Variants in CACNA2D3 observed in about 807,000 individuals in gnomAD.
CACNA2D3 encodes calcium voltage-gated channel auxiliary subunit alpha2delta 3, also known as voltage-dependent calcium channel subunit alpha-2/delta-3.
CACNA2D3 carries 60 observed loss-of-function variants against 160.6 expected under a neutral mutation model. That is an observed-to-expected ratio of 0.37 (90% CI 0.30 to 0.46). The LOEUF is 0.46. Among genes scored for constraint, CACNA2D3 ranks in the 20% least tolerant of loss-of-function variants. CACNA2D3 has a pLI of 1.00. For missense variants in CACNA2D3, 1,205 were observed against 1,365.0 expected (o/e 0.88, Z 1.85); for synonymous variants, 558 against 492.9 (o/e 1.13, Z -1.75).
chr3:54,183,892 G>GAAAAAAAAAAA (rs58956795), intron 2 of CACNA2D3, among the ~76,000 whole-genome samples: 7 of 80,796 alleles, frequency 8.7e-5, no homozygotes, highest in Non-Finnish European at 1.3e-4. Context: ...TCTCAAAAAA[G>GAAAAAAAAAAA]AAAAAAAAAA....
intron 11 of CACNA2D3, among the ~76,000 whole-genome samples, chr3:54,734,939 T>C (rs1701467284): frequency 2.0e-5 from 3 of 152,234 alleles, no homozygotes; most frequent in African/African-American, 7.2e-5. Context: ...CATTATCTGC[T>C]GAAGCAGGAG....
chr3:54,307,281 T>C (rs1282304138), intron 2 of CACNA2D3, among the ~76,000 whole-genome samples: 1 of 152,186 alleles, frequency 6.6e-6, no homozygotes, highest in Non-Finnish European at 1.5e-5. Context: ...GTAAAGATGA[T>C]GTCTTCGCAT....
intron 27 of CACNA2D3, among the ~76,000 whole-genome samples, chr3:54,955,694 C>T (rs1701870933): frequency 6.6e-6 from 1 of 152,130 alleles, no homozygotes; most frequent in South Asian, 2.1e-4. Context: ...TGAGATCAGA[C>T]AGCCTGGCTC....
intron 4 of CACNA2D3, among the ~76,000 whole-genome samples, chr3:54,440,077 C>T (rs555461092): frequency 1.3e-5 from 2 of 152,308 alleles, no homozygotes; most frequent in East Asian, 3.9e-4. Context: ...CTCACCCTTT[C>T]CTTACCCACA....
intron 4 of CACNA2D3, among the ~76,000 whole-genome samples, chr3:54,471,429 A>G (rs1379659454): frequency 1.3e-5 from 2 of 152,220 alleles, no homozygotes; most frequent in East Asian, 3.9e-4. Context: ...TATAGCACTA[A>G]ATGCCCACAG....
At chr3:54,831,193 T>G (rs753018879) in intron 14 of CACNA2D3, among the ~76,000 whole-genome samples, 32 of 152,156 alleles carry the variant, frequency 2.1e-4, no homozygotes, top group Non-Finnish European at 1.6e-4. Context: ...AACCTTCCCT[T>G]TAAGCCCAAG....
chr3:54,215,159 C>G (rs1047630825), intron 2 of CACNA2D3, among the ~76,000 whole-genome samples: 3 of 152,028 alleles, frequency 2.0e-5, no homozygotes, highest in African/African-American at 7.2e-5. Flanking sequence ...AAGTTCTGTC[C>G]CCATTTTATC....
At chr3:54,890,495 C>CAAAAAAAAAAA (rs34740812) in intron 24 of CACNA2D3, among the ~76,000 whole-genome samples, 10 of 60,718 alleles carry the variant, frequency 1.6e-4, no homozygotes, top group African/African-American at 1.9e-4. Context: ...GACTCCGTCT[C>CAAAAAAAAAAA]AAAAAAAAAA....
intron 37 of CACNA2D3, 83 bp downstream of exon 37, chr3:55,073,942 A>G: frequency 8.1e-7 from 1 of 1,236,832 alleles, no homozygotes; most frequent in Non-Finnish European, 1.2e-6. Context: ...CTACAGCTGA[A>G]AAGTTCACTC....
At chr3:54,868,006 A>C (rs1016379639) in intron 17 of CACNA2D3, among the ~76,000 whole-genome samples, 2 of 152,168 alleles carry the variant, frequency 1.3e-5, no homozygotes, top group African/African-American at 4.8e-5. Context: ...AACCTGGAAA[A>C]CATGGGGAAT....
At chr3:54,475,190 C>T (rs569246201) in intron 4 of CACNA2D3, among the ~76,000 whole-genome samples, 14 of 152,264 alleles carry the variant, frequency 9.2e-5, no homozygotes, top group Admixed American at 2.6e-4. Context: ...GGTCTCACCA[C>T]CAAGCTTTGC....
intron 25 of CACNA2D3, chr3:54,894,825 A>G (rs891357954): frequency 5.3e-6 from 2 of 374,670 alleles, no homozygotes; most frequent in African/African-American, 4.2e-5. Flanking sequence ...ATTAGGAAAC[A>G]TTACCACTGA....
intron 2 of CACNA2D3, among the ~76,000 whole-genome samples, chr3:54,246,443 A>G (rs949151090): frequency 6.6e-6 from 1 of 152,218 alleles, no homozygotes; most frequent in Non-Finnish European, 1.5e-5. Context: ...CTGTAATCCC[A>G]GTACTTTGGG....
intron 36 of CACNA2D3, 87 bp downstream of exon 36, chr3:55,073,644 A>AGAAG (rs142830001): frequency 0.066 from 85,188 of 1,286,718 alleles, 3,448 homozygotes; most frequent in Non-Finnish European, 0.068. Flanking sequence ...GAAATATTAG[A>AGAAG]GAAGGAAAAT....
chr3:54,690,575 T>C (rs140112126), intron 11 of CACNA2D3, among the ~76,000 whole-genome samples: 1 of 152,336 alleles, frequency 6.6e-6, no homozygotes, highest in East Asian at 1.9e-4. Flanking sequence ...GAGTATGTTA[T>C]CTGGCTAGTG....
chr3:54,491,693 G>A (rs146082239), intron 4 of CACNA2D3, among the ~76,000 whole-genome samples: 1 of 152,318 alleles, frequency 6.6e-6, no homozygotes, highest in East Asian at 1.9e-4. Flanking sequence ...TTGGAACACA[G>A]CCACACCCAT....
chr3:54,412,607 G>GTTGTTTTTTTTTTTTTTT (rs1342144952), intron 4 of CACNA2D3, among the ~76,000 whole-genome samples: 2 of 40,430 alleles, frequency 4.9e-5, no homozygotes, highest in African/African-American at 1.5e-4. Flanking sequence ...TTCTGGTCTT[G>GTTGTTTTTTTTTTTTTTT]TTCTTTTTTT....
intron 4 of CACNA2D3, among the ~76,000 whole-genome samples, chr3:54,495,947 C>A (rs1224296212): frequency 1.3e-5 from 2 of 152,174 alleles, no homozygotes; most frequent in Non-Finnish European, 2.9e-5. Flanking sequence ...GTTTCTTTTA[C>A]TCAGAATGTT....
chr3:54,467,485 G>A (rs1189244649), intron 4 of CACNA2D3, among the ~76,000 whole-genome samples: 1 of 152,232 alleles, frequency 6.6e-6, no homozygotes, highest in South Asian at 2.1e-4. Context: ...ACTTGGGCAA[G>A]CCATTGTGAG....
Sources: allele counts gnomAD v4.1 joint callset (sites outside exome capture counted in the v4.1 genomes callset), GRCh38; gene constraint gnomAD v4.1.1; transcripts MANE v1.5; gene names NCBI Gene and HGNC (gene_info 2026-07-23, HGNC 2026-07-21).